Variants in TBC1D2B observed in about 807,000 individuals in gnomAD.
TBC1D2B encodes the protein TBC1 domain family, member 2B.
In TBC1D2B, 64 loss-of-function variants were observed where a neutral mutation model predicts 100.8. That is an observed-to-expected ratio of 0.64 (90% CI 0.52 to 0.78). The LOEUF (loss-of-function observed/expected upper bound fraction) is 0.78, where lower values mean the gene tolerates loss of function less well. Ranked by LOEUF, TBC1D2B falls within the 30% of genes least tolerant of loss-of-function variation. The pLI is 0.00. For missense variants in TBC1D2B, 1,052 were observed against 1,218.4 expected (o/e 0.86, Z 2.03); for synonymous variants, 480 against 479.7 (o/e 1.00, Z -0.01).
intron 10 of TBC1D2B, 80 bp downstream of exon 10, chr15:78,008,917 C>G: frequency 9.9e-7 from 1 of 1,008,486 alleles, no homozygotes; most frequent in Non-Finnish European, 1.5e-6. Flanking sequence ...ACCCCTCACC[C>G]TGACCGCAGG....
At chr15:78,035,831 G>A (rs1053757241) in intron 3 of TBC1D2B, among the ~76,000 whole-genome samples, 20 of 152,182 alleles carry the variant, frequency 1.3e-4, no homozygotes, top group African/African-American at 4.6e-4. Flanking sequence ...TCCTATAACC[G>A]AATTCTGTTA....
intron 3 of TBC1D2B, among the ~76,000 whole-genome samples, chr15:78,035,727 A>T (rs2072928401): frequency 6.6e-6 from 1 of 152,062 alleles, no homozygotes; most frequent in South Asian, 2.1e-4. Context: ...ACGTATGTAC[A>T]AGAATATCAG....
intron 9 of TBC1D2B, among the ~76,000 whole-genome samples, chr15:78,009,974 C>CAA (rs59641885): frequency 2.4e-4 from 23 of 95,810 alleles, no homozygotes; most frequent in African/African-American, 4.1e-4. Flanking sequence ...GACTCCGTCT[C>CAA]AAAAAAAAAA....
chr15:78,004,829 T>C (rs934015411), intron 10 of TBC1D2B, among the ~76,000 whole-genome samples: 1 of 152,214 alleles, frequency 6.6e-6, no homozygotes, highest in Non-Finnish European at 1.5e-5. Flanking sequence ...TCACATCCTG[T>C]GAATACTGTA....
chr15:78,009,140 A>C, intron 9 of TBC1D2B, 26 bp from the exon 10 acceptor site: 1 of 1,521,232 alleles, frequency 6.6e-7, no homozygotes, highest in South Asian at 1.2e-5. Context: ...GGACAAGATG[A>C]GAGCCCAGGC....
intron 4 of TBC1D2B, among the ~76,000 whole-genome samples, chr15:78,027,359 A>T (rs1427214254): frequency 1.3e-5 from 2 of 152,260 alleles, no homozygotes; most frequent in East Asian, 3.9e-4. Context: ...TGAGCTATAC[A>T]TTTCTGATTT....
intron 8 of TBC1D2B, among the ~76,000 whole-genome samples, chr15:78,015,737 T>C (rs1253358379): frequency 6.6e-6 from 1 of 152,242 alleles, no homozygotes; most frequent in Admixed American, 6.5e-5. Context: ...GAACATTAAG[T>C]ACAACTCTGC....
intron 1 of TBC1D2B, among the ~76,000 whole-genome samples, chr15:78,062,563 T>C (rs1204785407): frequency 6.6e-6 from 1 of 152,174 alleles, no homozygotes; most frequent in Non-Finnish European, 1.5e-5. Flanking sequence ...GAAAATAAAA[T>C]GAACATAGCT....
intron 12 of TBC1D2B, chr15:77,998,763 G>A (rs2141607294): frequency 5.6e-6 from 1 of 178,082 alleles, no homozygotes. Flanking sequence ...CCTTGGGCGG[G>A]CATGAGGCCT....
At position 78,077,569 on chromosome 15, in the gene TBC1D2B, C is replaced by G; in HGVS notation, c.84G>C (p.Ala28=). The G allele has an allele frequency of 2.1e-6, 3 of 1,404,952 alleles. No homozygotes were observed. Among genetic ancestry groups the G allele is most frequent in the Non-Finnish European group, 2.8e-6 (3 of 1,073,844 alleles). The allele number at this position is 1,404,952 out of a possible 1,614,324, so 87.0% of individuals were successfully genotyped here. ...AAQGAAAEPG[A]GPAREPARLC... ...GCCGCGCTGGCTCCCGCGCCGGACC[C>G]GCCCCGGGCTCCGCGGCCGCCCCCT... The change falls in exon 1 of 13, where the codon GCG becomes GCC. Residue 28 remains alanine, a synonymous_variant. Coordinates refer to ENST00000300584, the MANE Select transcript of TBC1D2B (RefSeq NM_144572.2).
At chr15:78,073,675 T>C (rs2073775061) in intron 1 of TBC1D2B, among the ~76,000 whole-genome samples, 1 of 152,170 alleles carries the variant, frequency 6.6e-6, no homozygotes, top group Admixed American at 6.5e-5. Context: ...TTTAATTTTC[T>C]TAAAACACAC....
At chr15:78,061,098 A>G (rs1256992045) in intron 1 of TBC1D2B, among the ~76,000 whole-genome samples, 5 of 137,444 alleles carry the variant, frequency 3.6e-5, no homozygotes, top group East Asian at 2.3e-4. Flanking sequence ...ATATAAATTT[A>G]CCAGGTGTGG....
intron 12 of TBC1D2B, among the ~76,000 whole-genome samples, chr15:78,000,410 C>T (rs1344284279): frequency 3.3e-5 from 5 of 152,238 alleles, no homozygotes; most frequent in Non-Finnish European, 5.9e-5. Context: ...TTGGCATGGG[C>T]GAGCTCACTC....
At chr15:78,044,169 C>A (rs996405233) in intron 3 of TBC1D2B, among the ~76,000 whole-genome samples, 1 of 151,890 alleles carries the variant, frequency 6.6e-6, no homozygotes, top group African/African-American at 2.4e-5. Context: ...CTTTTTGGAT[C>A]GATGAAAACA....
At chr15:78,063,946 C>CG (rs1352952386) in intron 1 of TBC1D2B, among the ~76,000 whole-genome samples, 2 of 152,130 alleles carry the variant, frequency 1.3e-5, no homozygotes, top group Non-Finnish European at 2.9e-5. Flanking sequence ...CCTAACTGGA[C>CG]TTGCTGTCTC....
intron 1 of TBC1D2B, among the ~76,000 whole-genome samples, chr15:78,056,802 A>C (rs1671872496): frequency 6.7e-6 from 1 of 149,480 alleles, no homozygotes; most frequent in Admixed American, 6.7e-5. Flanking sequence ...AGTCTGCCAA[A>C]CCCCCAACCC....
intron 2 of TBC1D2B, among the ~76,000 whole-genome samples, chr15:78,046,609 G>A (rs2073200628): frequency 6.6e-6 from 1 of 152,110 alleles, no homozygotes; most frequent in Non-Finnish European, 1.5e-5. Flanking sequence ...TGGGACTACA[G>A]GCACGCACGA....
chr15:78,012,838 C>G lies in TBC1D2B; in HGVS notation c.2255G>C (p.Cys752Ser). 1 of 1,513,314 alleles carries G rather than the reference C, an allele frequency of 6.6e-7. No individual in the cohort carries two copies. Among genetic ancestry groups the G allele is most frequent in the East Asian group, 2.3e-5 (1 of 43,950 alleles). 93.7% of individuals were successfully genotyped at this position (1,513,314 alleles called of 1,614,324 possible). ...FSWRNPDIGY[C>S]QGLNRLVAVA... Reference sequence around the variant, plus strand: ...GTGCACCCACCTGTTTAGGCCTTGACAGTAGCCGATATCTGGATTCCGCCA... The same window carrying G: ...GTGCACCCACCTGTTTAGGCCTTGAGAGTAGCCGATATCTGGATTCCGCCA... The change falls in exon 9 of 13, where the codon TGT becomes TCT. Residue 752 changes from cysteine (C) to serine (S), a missense_variant. Coordinates refer to ENST00000300584, the MANE Select transcript of TBC1D2B (RefSeq NM_144572.2).
At chr15:78,070,260 C>T (rs762403442) in intron 1 of TBC1D2B, among the ~76,000 whole-genome samples, 4 of 152,104 alleles carry the variant, frequency 2.6e-5, no homozygotes, top group Non-Finnish European at 4.4e-5. Context: ...CCCCCACCCC[C>T]GCTCCAGTCA....
Sources: allele counts gnomAD v4.1 joint callset (sites outside exome capture counted in the v4.1 genomes callset), GRCh38; gene constraint gnomAD v4.1.1; transcripts MANE v1.5; gene names NCBI Gene and HGNC (gene_info 2026-07-23, HGNC 2026-07-21).